The following SLC9A9 variants were observed in gnomAD, a reference collection of about 807,000 sequenced individuals.
The protein encoded by SLC9A9 is solute carrier family 9 member A9.
In SLC9A9, 62 loss-of-function variants were observed where a neutral mutation model predicts 77.8. The ratio of observed to expected loss-of-function variants is 0.80; its 90% confidence interval spans 0.65 to 0.98. The LOEUF is 0.98. Ranked by LOEUF, SLC9A9 falls within the 50% of genes least tolerant of loss-of-function variation. The pLI, the probability that SLC9A9 is intolerant of heterozygous loss-of-function variation, is 0.00. For missense variants in SLC9A9, 775 were observed against 774.9 expected, an observed-to-expected ratio of 1.00 and a Z score of 0.00; for synonymous variants, 320 against 283.5, an observed-to-expected ratio of 1.13 and a Z score of -1.29.
chr3:143,348,144 G>A (rs1333175248), intron 14 of SLC9A9, among the ~76,000 whole-genome samples: 1 of 151,860 alleles, frequency 6.6e-6, no homozygotes, highest in African/African-American at 2.4e-5. Context: ...CTCCTGAGTA[G>A]CTGGGACTAC....
At chr3:143,337,778 G>A (rs1458395548) in intron 14 of SLC9A9, among the ~76,000 whole-genome samples, 1 of 152,212 alleles carries the variant, frequency 6.6e-6, no homozygotes, top group Non-Finnish European at 1.5e-5. Flanking sequence ...CAAAGACAGG[G>A]AAGGGGAATC....
chr3:143,406,652 C>A (rs2108516220), intron 12 of SLC9A9, among the ~76,000 whole-genome samples: 1 of 152,196 alleles, frequency 6.6e-6, no homozygotes, highest in East Asian at 1.9e-4. Context: ...ATTATTTCAT[C>A]ATTACTCATT....
chr3:143,306,308 G>A (rs987250965), intron 14 of SLC9A9, among the ~76,000 whole-genome samples: 3 of 152,120 alleles, frequency 2.0e-5, no homozygotes, highest in African/African-American at 4.8e-5. Context: ...CCACAGGCTC[G>A]CCTCATAGAA....
Position 143,650,702 on chromosome 3 carries a change from A to G in SLC9A9, c.755+1553T>C, listed in dbSNP as rs1169887761. ...GCACAAGATTTCAGCTAGAATGGCA[A>G]CATCTCATTCCTAGAAAGGAAGAGC... On this transcript the variant is annotated intron_variant, in intron 6 of 15. Coordinates refer to ENST00000316549, the MANE Select transcript of SLC9A9 (RefSeq NM_173653.4). Among the ~76,000 whole-genome samples, 3 of 152,236 alleles carry G rather than the reference A, an allele frequency of 2.0e-5. No homozygotes were observed. In the East Asian group the frequency reaches 5.8e-4, roughly 29 times the overall value.
chr3:143,441,659 G>T (rs1220404081), intron 12 of SLC9A9, among the ~76,000 whole-genome samples: 1 of 151,814 alleles, frequency 6.6e-6, no homozygotes, highest in African/African-American at 2.4e-5. Flanking sequence ...TTTCAATGCA[G>T]AGTTATATTG....
intron 13 of SLC9A9, among the ~76,000 whole-genome samples, chr3:143,364,602 C>T (rs936942208): frequency 6.6e-6 from 1 of 152,104 alleles, no homozygotes; most frequent in Non-Finnish European, 1.5e-5. Context: ...CCAGTTCCAT[C>T]ATTGGTTAAT....
At chr3:143,687,105 ATC>A (rs1216649562) in intron 5 of SLC9A9, among the ~76,000 whole-genome samples, 1 of 152,174 alleles carries the variant, frequency 6.6e-6, no homozygotes, top group African/African-American at 2.4e-5. Flanking sequence ...GATAAAATGA[ATC>A]AAATTATAGT....
At chr3:143,334,249 T>C (rs983057990) in intron 14 of SLC9A9, among the ~76,000 whole-genome samples, 1 of 152,228 alleles carries the variant, frequency 6.6e-6, no homozygotes, top group Non-Finnish European at 1.5e-5. Context: ...GATGTCTGGA[T>C]CCGCCTATAG....
intron 12 of SLC9A9, among the ~76,000 whole-genome samples, chr3:143,383,948 A>T (rs2033360916): frequency 6.6e-6 from 1 of 152,216 alleles, no homozygotes. Context: ...GATTCTTCAC[A>T]GGTAAGTGTC....
intron 4 of SLC9A9, among the ~76,000 whole-genome samples, chr3:143,780,165 G>T (rs1329306237): frequency 6.6e-6 from 1 of 152,092 alleles, no homozygotes; most frequent in Non-Finnish European, 1.5e-5. Context: ...TACATATGTT[G>T]GAAGACAGAT....
intron 4 of SLC9A9, among the ~76,000 whole-genome samples, chr3:143,761,677 A>G (rs2007127366): frequency 6.6e-6 from 1 of 152,210 alleles, no homozygotes; most frequent in African/African-American, 2.4e-5. Flanking sequence ...CGATCATTAA[A>G]AAGTCAGGAA....
intron 6 of SLC9A9, among the ~76,000 whole-genome samples, chr3:143,616,830 T>C (rs1032666029): frequency 6.6e-6 from 1 of 152,204 alleles, no homozygotes; most frequent in African/African-American, 2.4e-5. Context: ...TTTGACATTG[T>C]TAAATTAGAT....
In SLC9A9 at chr3:143,412,205, G is replaced by A. The variant is rs777272765; in HGVS notation, c.1470-30091C>T. Among the ~76,000 whole-genome samples the A allele has an allele frequency of 3.9e-4, 60 of 152,196 alleles. 1 individual carries two copies. Among genetic ancestry groups the A allele is most frequent in the Admixed American group, 1.8e-3 (28 of 15,294 alleles). On this transcript the variant is annotated intron_variant, in intron 12 of 15. Transcript: ENST00000316549. Reference sequence around the variant, plus strand: ...TGCTGCTGGCTGCCAGGTGTTGCAAGATGCAATGGAACCAGAAGTCCTGAA... The same window carrying A: ...TGCTGCTGGCTGCCAGGTGTTGCAAAATGCAATGGAACCAGAAGTCCTGAA...
At chr3:143,311,327 C>T (rs1052432883) in intron 14 of SLC9A9, among the ~76,000 whole-genome samples, 4 of 152,238 alleles carry the variant, frequency 2.6e-5, no homozygotes, top group Admixed American at 1.3e-4. Flanking sequence ...GTGTCCCAAA[C>T]ATCTGTTTTG....
Position 143,457,670 on chromosome 3 carries a change from A to G in SLC9A9, c.1469+9367T>C, listed in dbSNP as rs187116123. 1.2e-3 allele frequency among the ~76,000 whole-genome samples: 185 copies of G among 152,244 alleles called. 1 individual carries two copies. The highest frequency in any genetic ancestry group is 4.2e-3 in the African/African-American group (175 of 41,556). ...GAGATTATATTTTCATTTACTTCAA[A>G]ATATTTTCTAATTTCTCTTGAGATT... is the stretch of plus-strand genomic sequence containing the variant. On this transcript the variant is annotated intron_variant, in intron 12 of 15. Coordinates refer to ENST00000316549, the MANE Select transcript of SLC9A9 (RefSeq NM_173653.4).
chr3:143,495,291 G>A (rs528974817), intron 10 of SLC9A9, 44 bp downstream of exon 10: 29 of 1,476,862 alleles, frequency 2.0e-5, no homozygotes, highest in South Asian at 5.7e-5. Context: ...TAAGTCATTC[G>A]TTATCTTCTC....
chr3:143,505,985 TA>T (rs1036756589), intron 9 of SLC9A9, among the ~76,000 whole-genome samples: 35 of 151,960 alleles, frequency 2.3e-4, no homozygotes, highest in South Asian at 8.3e-4. Flanking sequence ...GTCTTCCCTT[TA>T]AAAAAAAATT....
At chr3:143,618,734 C>A (rs937535825) in intron 6 of SLC9A9, among the ~76,000 whole-genome samples, 5 of 152,202 alleles carry the variant, frequency 3.3e-5, no homozygotes, top group Non-Finnish European at 1.5e-5. Flanking sequence ...ATATCCTCAT[C>A]TAACAGTAAG....
chr3:143,624,003 T>C (rs542285648), intron 6 of SLC9A9, among the ~76,000 whole-genome samples: 12 of 152,244 alleles, frequency 7.9e-5, no homozygotes, highest in African/African-American at 2.6e-4. Flanking sequence ...GCAAATAAAC[T>C]AGAAAATCTA....
Sources: allele counts gnomAD v4.1 joint callset (sites outside exome capture counted in the v4.1 genomes callset), GRCh38; gene constraint gnomAD v4.1.1; transcripts MANE v1.5; gene names NCBI Gene and HGNC (gene_info 2026-07-23, HGNC 2026-07-21).